Variants in KIRREL3 observed in about 807,000 individuals in gnomAD.
KIRREL3 encodes the protein kirre like nephrin family adhesion molecule 3, also known as kin of IRRE-like protein 3.
KIRREL3 carries 36 observed loss-of-function variants against 89.7 expected under a neutral mutation model. The ratio of observed to expected loss-of-function variants is 0.40; its 90% CI spans 0.31 to 0.53. KIRREL3 has a LOEUF of 0.53. Ranked by LOEUF, KIRREL3 falls within the 20% of genes least tolerant of loss-of-function variation. KIRREL3 has a pLI of 0.49. For synonymous variants in KIRREL3, 445 were observed against 441.4 expected, an observed-to-expected ratio of 1.01 and a Z score of -0.10; for missense variants, 864 against 1,056.6, an observed-to-expected ratio of 0.82 and a Z score of 2.53.
chr11:126,958,202 G>A (rs1784317), intron 1 of KIRREL3, among the ~76,000 whole-genome samples: 134,713 of 152,238 alleles, frequency 0.88, 59,737 homozygotes, highest in Middle Eastern at 0.96. Flanking sequence ...AGGATGTCTG[G>A]GAGTGTGACT....
Position 126,903,507 on chromosome 11 carries a change from G to A in KIRREL3, c.55+96948C>T, listed in dbSNP as rs1469925970. On this transcript the variant is annotated intron_variant, in intron 1 of 16. Transcript: ENST00000525144. This position sits in a 1 kb window ranked among gnomAD's most constrained non-coding sequence, Gnocchi z 4.5. Reference sequence around the variant, plus strand: ...GAGAGCTGAGCGTTTTTCCGACTTAGCTTTTCTTTCTCTAACCCTTTTCTC... The same window carrying A: ...GAGAGCTGAGCGTTTTTCCGACTTAACTTTTCTTTCTCTAACCCTTTTCTC... 1.3e-5 allele frequency among the ~76,000 whole-genome samples: 2 copies of A among 152,250 alleles called. No individual in the cohort carries two copies. Among genetic ancestry groups the A allele is most frequent in the Admixed American group, 6.5e-5 (1 of 15,286 alleles).
intron 1 of KIRREL3, among the ~76,000 whole-genome samples, chr11:126,937,713 C>T (rs1221075358): frequency 6.6e-6 from 1 of 152,090 alleles, no homozygotes; most frequent in Admixed American, 6.6e-5. Context: ...TCCTGGCTAA[C>T]ACAGTGAAAC....
rs1949601690 is a variant in KIRREL3, at chr11:126,977,151, C to T, written c.55+23304G>A. Among the ~76,000 whole-genome samples, 1 of 152,144 alleles carries T rather than the reference C, an allele frequency of 6.6e-6. No homozygotes were observed. Among genetic ancestry groups the T allele is most frequent in the African/African-American group, 2.4e-5 (1 of 41,430 alleles). ...TTCAGCTCCTTCTGGGTCTTAGTGT[C>T]ACTTGGCACCTTTGTTACAGGCTCC... On this transcript the variant is annotated intron_variant, in intron 1 of 16. Transcript: ENST00000525144. The surrounding 1 kb of genome is among the most constrained non-coding windows in gnomAD (Gnocchi z 4.7).
chr11:126,711,654 CA>C (rs1461155414), intron 1 of KIRREL3, among the ~76,000 whole-genome samples: 1 of 152,132 alleles, frequency 6.6e-6, no homozygotes, highest in African/African-American at 2.4e-5. Flanking sequence ...TAAAATTAAA[CA>C]AAAAAGACTT....
chr11:126,808,142 G>C lies in KIRREL3; in HGVS notation c.55+192313C>G, dbSNP rs146637867. 1.3e-4 allele frequency among the ~76,000 whole-genome samples: 20 copies of C among 152,300 alleles called. No homozygotes were observed. Among genetic ancestry groups the C allele is most frequent in the Admixed American group, 3.3e-4 (5 of 15,296 alleles). On this transcript the variant is annotated intron_variant, in intron 1 of 16. Coordinates refer to ENST00000525144, the MANE Select transcript of KIRREL3 (RefSeq NM_032531.4). This position sits in a 1 kb window ranked among gnomAD's most constrained non-coding sequence, Gnocchi z 4.1. ...CTGCAGATACTGACCTGGGGTTGAG[G>C]AGCAATTGTATGTAGTTTGGAGAAT...
intron 1 of KIRREL3, among the ~76,000 whole-genome samples, chr11:126,815,291 T>C (rs1951519597): frequency 6.6e-6 from 1 of 152,148 alleles, no homozygotes. Flanking sequence ...AGATTCCACG[T>C]GGAAGGAAGG....
chr11:126,563,038 T>G lies in KIRREL3; in HGVS notation c.56-126A>C. ...CAGAGGTGCTTTTGTTTAGCCAACATTTATATGGAAATTGTTATGTTCCAG... is the reference window on the plus strand; with the variant it reads ...CAGAGGTGCTTTTGTTTAGCCAACAGTTATATGGAAATTGTTATGTTCCAG... On this transcript the variant is annotated intron_variant, in intron 1 of 16. Coordinates refer to ENST00000525144, the MANE Select transcript of KIRREL3 (RefSeq NM_032531.4). This position sits in a 1 kb window ranked among gnomAD's most constrained non-coding sequence, Gnocchi z 6.8. 1.7e-6 allele frequency: 1 copy of G among 577,574 alleles called. No individual in the cohort carries two copies. Among genetic ancestry groups the G allele is most frequent in the Admixed American group, 3.2e-5 (1 of 31,634 alleles). 35.8% of individuals were successfully genotyped at this position (577,574 alleles called of 1,614,324 possible). A position where few individuals can be genotyped will look rare whatever the true frequency, so the allele number is the denominator to read the frequency against.
In KIRREL3 at chr11:126,525,765, C is replaced by A. The variant is rs1225601536; in HGVS notation, c.283+773G>T. Among the ~76,000 whole-genome samples, 1 of 152,164 alleles carries A rather than the reference C, an allele frequency of 6.6e-6. No individual in the cohort carries two copies. The highest frequency in any genetic ancestry group is 2.4e-5 in the African/African-American group (1 of 41,412). On this transcript the variant is annotated intron_variant, in intron 3 of 16. Coordinates refer to ENST00000525144, the MANE Select transcript of KIRREL3 (RefSeq NM_032531.4). This position sits in a 1 kb window ranked among gnomAD's most constrained non-coding sequence, Gnocchi z 5.4. ...AAACAACCACTGCCTACCTGTAGGA[C>A]AGAATAATGATAGCTGAAGGGTGTG...
rs990784165 is a variant in KIRREL3, at chr11:126,614,272, G to A, written c.56-51360C>T. On this transcript the variant is annotated intron_variant, in intron 1 of 16. Coordinates refer to ENST00000525144, the MANE Select transcript of KIRREL3 (RefSeq NM_032531.4). This position sits in a 1 kb window ranked among gnomAD's most constrained non-coding sequence, Gnocchi z 4.6. ...TCCTAAGTCAGAATGTTAATTTCCA[G>A]GTAGCCTAGTAAAAGAGATACTAGA... Among the ~76,000 whole-genome samples, 1 of 152,044 alleles carries A rather than the reference G, an allele frequency of 6.6e-6. No individual in the cohort carries two copies.
intron 4 of KIRREL3, among the ~76,000 whole-genome samples, chr11:126,504,715 A>G (rs1957969362): frequency 6.6e-6 from 1 of 152,242 alleles, no homozygotes; most frequent in African/African-American, 2.4e-5. Flanking sequence ...AAAGAGAACT[A>G]TAGACTATTG....
At position 126,991,229 on chromosome 11, in the gene KIRREL3, T is replaced by A. The variant is rs1156546148; in HGVS notation, c.55+9226A>T. ...ACTTCCTGCAGGGCACGTCCACACTTCACTTAGTCAGGTTCTTCTTCTGCC... is the reference window on the plus strand; with the variant it reads ...ACTTCCTGCAGGGCACGTCCACACTACACTTAGTCAGGTTCTTCTTCTGCC... On this transcript the variant is annotated intron_variant, in intron 1 of 16. Transcript: ENST00000525144. The surrounding 1 kb of genome is among the most constrained non-coding windows in gnomAD (Gnocchi z 5.8). Among the ~76,000 whole-genome samples the A allele has an allele frequency of 1.3e-5, 2 of 152,058 alleles. No homozygotes were observed. The highest frequency in any genetic ancestry group is 2.4e-5 in the African/African-American group (1 of 41,384).
At chr11:126,923,129 C>CTCCTCCTCCTTCTTCTTCT (rs1246765425) in intron 1 of KIRREL3, among the ~76,000 whole-genome samples, 2 of 25,732 alleles carry the variant, frequency 7.8e-5, no homozygotes, top group Non-Finnish European at 1.6e-4. Context: ...TCTCCTTCTT[C>CTCCTCCTCCTTCTTCTTCT]TCTTCTTCTT....
chr11:126,926,367 A>G (rs1469222994), intron 1 of KIRREL3, among the ~76,000 whole-genome samples: 8 of 152,192 alleles, frequency 5.3e-5, no homozygotes, highest in Non-Finnish European at 1.2e-4. Context: ...AGTACCCCAC[A>G]TTGCCACTGA....
intron 1 of KIRREL3, among the ~76,000 whole-genome samples, chr11:126,878,253 G>C (rs1945363555): frequency 6.6e-6 from 1 of 152,162 alleles, no homozygotes; most frequent in South Asian, 2.1e-4. Flanking sequence ...AAACTGTGGA[G>C]AGTTAAAAGT....
intron 1 of KIRREL3, among the ~76,000 whole-genome samples, chr11:126,823,643 TGGATAAATAG>T (rs1175022164): frequency 6.6e-6 from 1 of 152,136 alleles, no homozygotes. Flanking sequence ...GCTGGGACCT[TGGATAAATAG>T]GGAGAAATCA....
At chr11:126,559,669 T>C (rs1939965034) in intron 2 of KIRREL3, among the ~76,000 whole-genome samples, 2 of 151,946 alleles carry the variant, frequency 1.3e-5, no homozygotes, top group African/African-American at 4.8e-5. Context: ...AAATGTGTCT[T>C]ACTCTACTTT....
chr11:126,712,101 G>C (rs1294852807), intron 1 of KIRREL3, among the ~76,000 whole-genome samples: 1 of 152,224 alleles, frequency 6.6e-6, no homozygotes, highest in Non-Finnish European at 1.5e-5. Context: ...CCAGGAACAG[G>C]AAAAGCAAAA....
chr11:126,434,007 C>T (rs889564501), intron 13 of KIRREL3, among the ~76,000 whole-genome samples: 3 of 152,216 alleles, frequency 2.0e-5, no homozygotes, highest in South Asian at 4.1e-4. Flanking sequence ...AGCTGGACAA[C>T]GGTCACCAGG....
intron 1 of KIRREL3, among the ~76,000 whole-genome samples, chr11:126,971,016 T>C (rs1408931160): frequency 6.6e-6 from 1 of 152,210 alleles, no homozygotes; most frequent in Non-Finnish European, 1.5e-5. Context: ...AACATTGCTT[T>C]TCCATTTTCC....
Sources: allele counts gnomAD v4.1 joint callset (sites outside exome capture counted in the v4.1 genomes callset), GRCh38; gene constraint gnomAD v4.1.1; non-coding constraint Gnocchi (gnomAD v3.1); transcripts MANE v1.5; gene names NCBI Gene and HGNC (gene_info 2026-07-23, HGNC 2026-07-21).